The following ARMC10 variants were observed in gnomAD, a reference collection of about 807,000 sequenced individuals.
ARMC10 encodes the protein armadillo repeat containing 10.
Under a neutral mutation model 30.2 loss-of-function variants are expected in ARMC10, and 23 were observed. That is an observed-to-expected ratio of 0.76 (90% CI 0.55 to 1.08). ARMC10 has a LOEUF of 1.08. Ranked by LOEUF, ARMC10 falls within the 50% of genes least tolerant of loss-of-function variation. The pLI is 0.00. For synonymous variants in ARMC10, 111 were observed against 164.4 expected (o/e 0.68, Z 2.48); for missense variants, 303 against 413.7 (o/e 0.73, Z 2.32).
intron 2 of ARMC10, among the ~76,000 whole-genome samples, chr7:103,076,467 C>CAAA (rs1799840082): frequency 6.6e-6 from 1 of 152,212 alleles, no homozygotes; most frequent in Non-Finnish European, 1.5e-5. Flanking sequence ...AGTACGCTTT[C>CAAA]GAACAGTAGG....
At position 103,087,107 on chromosome 7, in the gene ARMC10, A is replaced by G. The variant is rs548279335; in HGVS notation, c.528+343A>G. Among the ~76,000 whole-genome samples the G allele has an allele frequency of 1.7e-4, 26 of 152,328 alleles. 1 individual carries two copies. The South Asian group carries it at 3.3e-3, about 19-fold the overall frequency. Reference sequence around the variant, plus strand: ...GACAAGACTTTGCGCTAGAACTAGAACTAGTATTACAAGAGATTCATTCAG... The same window carrying G: ...GACAAGACTTTGCGCTAGAACTAGAGCTAGTATTACAAGAGATTCATTCAG... On this transcript the variant is annotated intron_variant, in intron 4 of 6. Transcript: ENST00000323716.
At chr7:103,081,412 C>T (rs576814449) in intron 2 of ARMC10, among the ~76,000 whole-genome samples, 2 of 152,236 alleles carry the variant, frequency 1.3e-5, no homozygotes, top group Admixed American at 6.5e-5. Context: ...ATTACTGTCA[C>T]GCAAGCTGGA....
chr7:103,078,450 C>T (rs1800090779), intron 2 of ARMC10, among the ~76,000 whole-genome samples: 1 of 152,184 alleles, frequency 6.6e-6, no homozygotes, highest in East Asian at 1.9e-4. Context: ...CTTCTCTTTC[C>T]TGCTGCCTAT....
At chr7:103,094,273 A>G (rs543283826) in intron 5 of ARMC10, among the ~76,000 whole-genome samples, 14 of 152,402 alleles carry the variant, frequency 9.2e-5, no homozygotes, top group East Asian at 3.9e-4. Flanking sequence ...TACATCCTCA[A>G]TGAAAACAAA....
intron 3 of ARMC10, among the ~76,000 whole-genome samples, 167 bp from the exon 4 acceptor site, chr7:103,086,463 A>G (rs1438344560): frequency 3.9e-5 from 6 of 152,138 alleles, no homozygotes; most frequent in African/African-American, 1.4e-4. Context: ...CTATAAAAGT[A>G]TGGGTAGTGA....
intron 3 of ARMC10, among the ~76,000 whole-genome samples, chr7:103,085,247 T>C (rs1447867137): frequency 6.6e-6 from 1 of 151,990 alleles, no homozygotes; most frequent in Non-Finnish European, 1.5e-5. Context: ...CTTAATCTGC[T>C]TTAACAATAC....
Position 103,086,619 on chromosome 7 carries a change from TCC to T in ARMC10, c.394-8_394-7del. The T allele has an allele frequency of 6.4e-7, 1 of 1,572,904 alleles. No individual in the cohort carries two copies. Among genetic ancestry groups the T allele is most frequent in the African/African-American group, 1.4e-5 (1 of 72,032 alleles). On this transcript the variant is annotated splice_polypyrimidine_tract_variant and intron_variant, in intron 3 of 6. Coordinates refer to ENST00000323716, the MANE Select transcript of ARMC10 (RefSeq NM_031905.5). ...CCCAGTCCTGCTTTTTTTTTTTTTT[TCC>T]CCTCGTAGGCTATTATTCGTGAATT... is the stretch of plus-strand genomic sequence containing the variant.
intron 6 of ARMC10, 32 bp downstream of exon 6, chr7:103,097,380 TACAC>T: frequency 1.4e-6 from 2 of 1,401,900 alleles, no homozygotes; most frequent in Non-Finnish European, 1.0e-6. Context: ...TTTGTAAATA[TACAC>T]ATATATACAT....
chr7:103,076,771 G>C (rs1799891322), intron 2 of ARMC10, among the ~76,000 whole-genome samples: 1 of 152,182 alleles, frequency 6.6e-6, no homozygotes, highest in African/African-American at 2.4e-5. Context: ...GGAGGCAGAG[G>C]TTGCAGTGTG....
intron 6 of ARMC10, 139 bp downstream of exon 6, chr7:103,097,487 A>G: frequency 1.8e-6 from 1 of 551,368 alleles, no homozygotes; most frequent in Admixed American, 3.7e-5. Context: ...TTTTAAATTC[A>G]TTTTGTATGT....
chr7:103,076,039 TATC>T (rs1298491108), intron 2 of ARMC10, among the ~76,000 whole-genome samples, 158 bp downstream of exon 2: 2 of 152,220 alleles, frequency 1.3e-5, no homozygotes, highest in African/African-American at 4.8e-5. Flanking sequence ...TAATTTAAAA[TATC>T]ATATCTGCCA....
rs200476156 is a variant in ARMC10 at position 103,075,837 on chromosome 7, C to G, written c.200C>G (p.Thr67Arg). 6.2e-7 allele frequency: 1 copy of G among 1,611,496 alleles called. No homozygotes were observed. The highest frequency in any genetic ancestry group is 1.1e-5 in the South Asian group (1 of 90,396). ...TGCGGGCGCTCGGCCCGGCCTCAGA[C>G]GGGAGGTACCTGGGAGTCACAGTGG... ...QLCGRSARPQ[T>R]GGTWESQWSK... Residue 67 changes from threonine (T) to arginine (R), a missense_variant, in exon 2 of 7, where the codon ACG becomes AGG. By Grantham distance (71) the Thr-to-Arg change is moderately conservative. Transcript: ENST00000323716.
intron 5 of ARMC10, among the ~76,000 whole-genome samples, chr7:103,094,526 C>G (rs1015437204): frequency 6.6e-6 from 1 of 152,176 alleles, no homozygotes; most frequent in Non-Finnish European, 1.5e-5. Context: ...TATACCTGCC[C>G]TCATTGACTA....
At chr7:103,080,717 G>A (rs755859587) in intron 2 of ARMC10, among the ~76,000 whole-genome samples, 14 of 150,642 alleles carry the variant, frequency 9.3e-5, no homozygotes, top group African/African-American at 2.7e-4. Flanking sequence ...AACCTCTGCC[G>A]CCCAGGTTCA....
chr7:103,079,328 G>A (rs557085473), intron 2 of ARMC10, among the ~76,000 whole-genome samples: 10 of 151,422 alleles, frequency 6.6e-5, no homozygotes, highest in Admixed American at 4.6e-4. Flanking sequence ...GCTGAAGCTC[G>A]GGGAAAAAAA....
At chr7:103,079,761 TTTTA>T (rs1261664327) in intron 2 of ARMC10, among the ~76,000 whole-genome samples, 3 of 152,236 alleles carry the variant, frequency 2.0e-5, no homozygotes, top group Admixed American at 1.3e-4. Flanking sequence ...ATTGAAAATA[TTTTA>T]TTTGACAGAA....
At chr7:103,097,132 A>T in intron 5 of ARMC10, 145 bp from the exon 6 acceptor site, 1 of 683,220 alleles carries the variant, frequency 1.5e-6, no homozygotes, top group Non-Finnish European at 2.6e-6. Flanking sequence ...TGAACGGAGA[A>T]GGTTTCCTGG....
chr7:103,086,994 T>C, intron 4 of ARMC10: 1 of 1,219,808 alleles, frequency 8.2e-7, no homozygotes, highest in Non-Finnish European at 1.1e-6. Flanking sequence ...CAGGTTATCC[T>C]CTACATCAGG....
chr7:103,075,652 T>TA (rs1282949339), intron 1 of ARMC10, 125 bp from the exon 2 acceptor site: 1 of 913,276 alleles, frequency 1.1e-6, no homozygotes, highest in African/African-American at 1.7e-5. Context: ...TTAGATTTCT[T>TA]AAAAACCTGT....
Sources: allele counts gnomAD v4.1 joint callset (sites outside exome capture counted in the v4.1 genomes callset), GRCh38; gene constraint gnomAD v4.1.1; transcripts MANE v1.5; gene names NCBI Gene and HGNC (gene_info 2026-07-23, HGNC 2026-07-21).